OR6T1: variants seen among roughly 807,000 people sequenced by gnomAD.
The protein encoded by OR6T1 is olfactory receptor 6T1.
For missense variants in OR6T1, 389 were observed against 390.5 expected (o/e 1.00, Z 0.03); for synonymous variants, 179 against 159.1 (o/e 1.13, Z -0.94).
Position 123,943,023 on chromosome 11 carries a change from T to A in OR6T1, c.816A>T (p.Lys272Asn), listed in dbSNP as rs1185006504. ...MSEAQSKLLN[K>N]GASVLSCIIT... ...TGATGCAGCTCAGGACGGAGGCACC[T>A]TTGTTGAGCAGTTTGGACTGAGCCT... Residue 272 changes from lysine to asparagine, a missense_variant, in exon 1 of 1, where the codon AAA (lysine) becomes AAT (asparagine). Transcript: ENST00000321252. 1 of 1,613,914 alleles carries A rather than the reference T, an allele frequency of 6.2e-7. No homozygotes were observed. Among genetic ancestry groups the A allele is most frequent in the Non-Finnish European group, 8.5e-7 (1 of 1,180,006 alleles).
Sources: gnomAD v4.1 joint callset for allele counts on GRCh38, gnomAD v4.1.1 for gene constraint, MANE v1.5 for transcripts, NCBI Gene and HGNC (gene_info 2026-07-23, HGNC 2026-07-21) for gene names.